The following SGCD variants were observed in gnomAD, a reference collection of about 807,000 sequenced individuals.
SGCD encodes sarcoglycan delta.
SGCD carries 18 observed loss-of-function variants against 36.6 expected under a neutral mutation model. That is an observed-to-expected ratio of 0.49 (90% CI 0.34 to 0.73). The LOEUF (loss-of-function observed/expected upper bound fraction) is 0.73, where lower values mean the gene tolerates loss of function less well. Among genes scored for constraint, SGCD ranks in the 30% least tolerant of loss-of-function variants. The pLI, the probability that SGCD is intolerant of heterozygous loss-of-function variation, is 0.01. For synonymous variants in SGCD, 133 were observed against 130.6 expected (o/e 1.02, Z -0.12); for missense variants, 387 against 346.7 (o/e 1.12, Z -0.92).
chr5:156,277,355 C>G (rs187981440), intron 3 of SGCD, among the ~76,000 whole-genome samples: 1 of 152,240 alleles, frequency 6.6e-6, no homozygotes, highest in East Asian at 1.9e-4. Context: ...TTTCTTGGCC[C>G]TTGTCATATT....
intron 3 of SGCD, among the ~76,000 whole-genome samples, chr5:156,263,513 G>C (rs1442766517): frequency 6.6e-6 from 1 of 152,082 alleles, no homozygotes; most frequent in South Asian, 2.1e-4. Flanking sequence ...CGAATGCATA[G>C]GTTGTGAAGA....
At chr5:156,722,762 A>G (rs1188230562) in intron 7 of SGCD, among the ~76,000 whole-genome samples, 2 of 152,210 alleles carry the variant, frequency 1.3e-5, no homozygotes, top group African/African-American at 2.4e-5. Context: ...TAGGTCGACC[A>G]TTCCACTTAT....
At chr5:156,368,592 G>A (rs1375467991) in intron 3 of SGCD, among the ~76,000 whole-genome samples, 1 of 152,116 alleles carries the variant, frequency 6.6e-6, no homozygotes, top group Non-Finnish European at 1.5e-5. Context: ...GACCAGTACT[G>A]GCTAGCAAGC....
At chr5:156,384,865 C>A (rs538159561) in intron 3 of SGCD, among the ~76,000 whole-genome samples, 1 of 152,122 alleles carries the variant, frequency 6.6e-6, no homozygotes, top group Non-Finnish European at 1.5e-5. Context: ...GAGCCTGGGG[C>A]TTGTTAGTTA....
the SGCD span, among the ~76,000 whole-genome samples, chr5:155,794,359 T>C: frequency 6.6e-6 from 1 of 152,104 alleles, no homozygotes; most frequent in Non-Finnish European, 1.5e-5. Context: ...GAATATAATA[T>C]ATTCACAGGG....
upstream of SGCD, among the ~76,000 whole-genome samples, chr5:156,325,556 G>T (rs1767784452): frequency 6.6e-6 from 1 of 152,164 alleles, no homozygotes; most frequent in Non-Finnish European, 1.5e-5. Flanking sequence ...GCTAAGATTA[G>T]ACCCAGGCTA....
At chr5:156,413,090 C>T (rs985275993) in intron 3 of SGCD, among the ~76,000 whole-genome samples, 5 of 151,984 alleles carry the variant, frequency 3.3e-5, no homozygotes, top group Non-Finnish European at 1.5e-5. Flanking sequence ...AGCCACCGCG[C>T]CCGGCCGCAG....
At chr5:155,992,568 C>G (rs1758455207) in intron 1 of SGCD, among the ~76,000 whole-genome samples, 1 of 152,128 alleles carries the variant, frequency 6.6e-6, no homozygotes, top group South Asian at 2.1e-4. Context: ...GGAATTCCCC[C>G]TACCATGAGG....
At chr5:155,760,039 A>G in the SGCD span, among the ~76,000 whole-genome samples, 1 of 151,886 alleles carries the variant, frequency 6.6e-6, no homozygotes, top group South Asian at 2.1e-4. Flanking sequence ...TAAATTTGAG[A>G]TGTTTATCTC....
intron 6 of SGCD, among the ~76,000 whole-genome samples, chr5:156,629,767 TACTTACAAAA>T (rs1333597707): frequency 3.9e-5 from 6 of 152,150 alleles, no homozygotes; most frequent in Non-Finnish European, 1.5e-5. Flanking sequence ...AATAAAACTT[TACTTACAAAA>T]ACAGGTAGTG....
chr5:155,834,503 C>A, the SGCD span, among the ~76,000 whole-genome samples: 1 of 152,070 alleles, frequency 6.6e-6, no homozygotes, highest in African/African-American at 2.4e-5. Context: ...GTTTTGTAAC[C>A]TTATCGTGTG....
chr5:156,647,446 T>G lies in SGCD; in HGVS notation c.503-18T>G. 6.4e-7 allele frequency: 1 copy of G among 1,560,266 alleles called. No individual in the cohort carries two copies. Among genetic ancestry groups the G allele is most frequent in the Non-Finnish European group, 8.7e-7 (1 of 1,147,038 alleles). ...CCAGTATCTCCAATCTCTGTTTGCT[T>G]TTCTGTTTTGTTTACAGGAGCGGAG... On this transcript the variant is annotated intron_variant, in intron 6 of 8. Coordinates refer to ENST00000337851, the MANE Select transcript of SGCD (RefSeq NM_000337.6).
chr5:156,073,995 T>C (rs1313332715), intron 1 of SGCD, among the ~76,000 whole-genome samples: 1 of 152,168 alleles, frequency 6.6e-6, no homozygotes, highest in Non-Finnish European at 1.5e-5. Flanking sequence ...TGAGTAAGAT[T>C]CAAGTAAATG....
chr5:155,967,206 A>AGGC (rs1757920081), intron 1 of SGCD, among the ~76,000 whole-genome samples: 1 of 151,948 alleles, frequency 6.6e-6, no homozygotes, highest in African/African-American at 2.4e-5. Flanking sequence ...TGGGGAATTG[A>AGGC]GGCTGAGCTA....
chr5:156,668,486 T>C (rs1381026368), intron 7 of SGCD, among the ~76,000 whole-genome samples: 1 of 152,316 alleles, frequency 6.6e-6, no homozygotes, highest in East Asian at 1.9e-4. Context: ...AAAATAACAG[T>C]GATGCTTCAA....
At chr5:156,652,813 G>A (rs946700437) in intron 7 of SGCD, among the ~76,000 whole-genome samples, 18 of 151,680 alleles carry the variant, frequency 1.2e-4, no homozygotes, top group East Asian at 1.9e-4. Flanking sequence ...CAGGGATGTT[G>A]GATTTTATTG....
At chr5:156,508,471 A>T in intron 3 of SGCD, 130 bp from the exon 4 acceptor site, 1 of 620,738 alleles carries the variant, frequency 1.6e-6, no homozygotes. Context: ...TGTTTTTTGA[A>T]TACCCGTCCT....
At chr5:156,107,063 T>C (rs1267765532) in intron 1 of SGCD, among the ~76,000 whole-genome samples, 1 of 152,178 alleles carries the variant, frequency 6.6e-6, no homozygotes, top group Non-Finnish European at 1.5e-5. Flanking sequence ...TCTAATTAAG[T>C]TCTTTTCTGA....
chr5:156,482,346 A>G (rs1755469475), intron 3 of SGCD, among the ~76,000 whole-genome samples: 2 of 152,196 alleles, frequency 1.3e-5, no homozygotes, highest in African/African-American at 4.8e-5. Context: ...ACACACAGGA[A>G]CACTCAGCTC....
Sources: gnomAD v4.1 joint callset for allele counts (sites outside exome capture counted in the v4.1 genomes callset) on GRCh38, gnomAD v4.1.1 for gene constraint, MANE v1.5 for transcripts, NCBI Gene and HGNC (gene_info 2026-07-23, HGNC 2026-07-21) for gene names.